The following SAMD11 variants were observed in gnomAD, a reference collection of about 807,000 sequenced individuals.
SAMD11 encodes the protein sterile alpha motif domain-containing protein 11.
SAMD11 carries 77 observed loss-of-function variants against 64.4 expected under a neutral mutation model. That is an observed-to-expected ratio of 1.20 (90% CI 0.99 to 1.44). The LOEUF is 1.44. Among genes scored for constraint, SAMD11 ranks in the 40% most tolerant of loss-of-function variants. SAMD11 has a pLI of 0.00. For missense variants in SAMD11, 1,402 were observed against 943.3 expected, an observed-to-expected ratio of 1.49 and a Z score of -6.37; for synonymous variants, 658 against 421.9, an observed-to-expected ratio of 1.56 and a Z score of -6.86.
chr1:943,359 CTG>C lies in SAMD11; in HGVS notation c.2163_2164del (p.Cys721TrpfsTer182). 3 of 1,578,676 alleles carry C rather than the reference CTG, an allele frequency of 1.9e-6. No homozygotes were observed. Among genetic ancestry groups the C allele is most frequent in the Non-Finnish European group, 2.6e-6 (3 of 1,160,748 alleles). On this transcript the variant is annotated frameshift_variant, in exon 12 of 14. Transcript: ENST00000616016. LOFTEE classifies it high-confidence loss of function. ...VCSFVGGLSGCGEYTRVFREQ... is the reference protein window; with the variant it reads ...VCSFVGGLSGXGEYTRVFREQ... ...GCAGCTTCGTGGGGGGCCTGTCTGG[CTG>C]TGGAGAGTACACTCGGGTAAGGGGG...
intron 7 of SAMD11, 187 bp from the exon 8 acceptor site, chr1:940,957 G>A: frequency 1.9e-6 from 1 of 532,866 alleles, no homozygotes; most frequent in Non-Finnish European, 3.3e-6. Flanking sequence ...TCCTCGCCCA[G>A]CATCTTGTCT....
intron 5 of SAMD11, among the ~76,000 whole-genome samples, chr1:937,017 C>T (rs935915378): frequency 6.6e-6 from 1 of 152,138 alleles, no homozygotes; most frequent in Admixed American, 6.5e-5. Context: ...GCAGCTCTCA[C>T]CCATGGAGTC....
At chr1:930,962 T>C (rs1641138924) in intron 3 of SAMD11, 77 bp from the exon 4 acceptor site, 10 of 1,435,178 alleles carry the variant, frequency 7.0e-6, no homozygotes, top group Non-Finnish European at 9.8e-6. Flanking sequence ...GAGACAGGTC[T>C]GCGCACGCCC....
Position 935,757 on chromosome 1 carries a change from G to A in SAMD11, c.843-15G>A, listed in dbSNP as rs1206454604. On this transcript the variant is annotated splice_polypyrimidine_tract_variant and intron_variant, in intron 4 of 13. Coordinates refer to ENST00000616016, the MANE Select transcript of SAMD11 (RefSeq NM_001385641.1). ...GCTGCCCACGGGGTCAGCTTTTCCC[G>A]GTCTCGTTCTGCAGCCAGGACGGCA... 1.2e-5 allele frequency: 19 copies of A among 1,612,900 alleles called. No homozygotes were observed. In the East Asian group the frequency reaches 3.6e-4, roughly 30 times the overall value.
Position 944,123 on chromosome 1 carries a change from G to T in SAMD11, c.2505G>T (p.Gly835=). ...ATGGGACCTTGGCTCTACTTCCAGG[G>T]GCCCCCGACCCTTCCCAGCCTCTGT... ...QENGTLALLP[G]APDPSQPLC is the part of the protein sequence containing the mutation. Residue 835 remains glycine, a synonymous_variant, in exon 14 of 14, where the codon GGG becomes GGT. Coordinates refer to ENST00000616016, the MANE Select transcript of SAMD11 (RefSeq NM_001385641.1). 6.3e-7 allele frequency: 1 copy of T among 1,597,392 alleles called. No individual in the cohort carries two copies.
intron 4 of SAMD11, among the ~76,000 whole-genome samples, chr1:935,025 TG>T (rs1253510709): frequency 6.6e-6 from 1 of 151,922 alleles, no homozygotes; most frequent in Non-Finnish European, 1.5e-5. Flanking sequence ...CTCTGCTGAC[TG>T]GGGAGAGGCT....
At position 942,713 on chromosome 1, in the gene SAMD11, C is replaced by T. The variant is rs1342711017; in HGVS notation, c.1708C>T (p.Leu570=). The T allele has an allele frequency of 1.4e-6, 2 of 1,454,550 alleles. No individual in the cohort carries two copies. The highest frequency in any genetic ancestry group is 2.8e-5 in the East Asian group (1 of 35,736). The allele number at this position is 1,454,550 out of a possible 1,614,324, so 90.1% of individuals were successfully genotyped here. A position where few individuals can be genotyped will look rare whatever the true frequency, so the allele number is the denominator to read the frequency against. Residue 570 remains leucine (L), a synonymous_variant, in exon 11 of 14, where the codon CTG becomes TTG. Transcript: ENST00000616016. Reference sequence around the variant, plus strand: ...GGTGCTGAACCACGGCGCGGCGCCACTGCTGGCCCTGCCCCCCCAGGGGCC... The same window carrying T: ...GGTGCTGAACCACGGCGCGGCGCCATTGCTGGCCCTGCCCCCCCAGGGGCC... ...LLVLNHGAAP[L]LALPPQGPPG... is the part of the protein sequence containing the mutation.
At chr1:931,502 T>G in intron 4 of SAMD11, among the ~76,000 whole-genome samples, 4 of 151,104 alleles carry the variant, frequency 2.6e-5, no homozygotes, top group Non-Finnish European at 5.9e-5. Flanking sequence ...CCCTGAAGGG[T>G]GTGTAGGAGC....
At chr1:943,526 CTTTTTTTTTT>C (rs56972694) in intron 12 of SAMD11, 149 bp downstream of exon 12, 88 of 550,608 alleles carry the variant, frequency 1.6e-4, no homozygotes, top group Non-Finnish European at 1.8e-4. Flanking sequence ...TGCACCCCAC[CTTTTTTTTTT>C]TTTTTTTTTT....
Position 943,376 on chromosome 1 carries a change from G to C in SAMD11, c.2177G>C (p.Arg726Pro), listed in dbSNP as rs777840080. 4.5e-6 allele frequency: 7 copies of C among 1,538,502 alleles called. No individual in the cohort carries two copies. Among genetic ancestry groups the C allele is most frequent in the South Asian group, 2.5e-5 (2 of 80,424 alleles). Residue 726 changes from arginine (R) to proline (P), a missense_variant and splice_region_variant, in exon 12 of 14, where the codon CGG becomes CCG. Arg to Pro is a moderately radical substitution (Grantham distance 103, BLOSUM62 -2). Coordinates refer to ENST00000616016, the MANE Select transcript of SAMD11 (RefSeq NM_001385641.1). The stretch of plus-strand genomic sequence containing the variant: ...CTGTCTGGCTGTGGAGAGTACACTC[G>C]GGTAAGGGGGGGCCCCAGTTCCTGG... ...GGLSGCGEYT[R>P]VFREQGIDGE...
At chr1:941,391 A>G in intron 8 of SAMD11, 85 bp downstream of exon 8, 1 of 1,310,834 alleles carries the variant, frequency 7.6e-7, no homozygotes, top group South Asian at 1.5e-5. Flanking sequence ...GCGCCCCGAG[A>G]GTGCCAAGCA....
chr1:944,423 T>C lies in SAMD11; in HGVS notation c.*270T>C. 2 of 1,092,124 alleles carry C rather than the reference T, an allele frequency of 1.8e-6. No individual in the cohort carries two copies. The highest frequency in any genetic ancestry group is 2.4e-6 in the Non-Finnish European group (2 of 819,412). 67.7% of individuals were successfully genotyped at this position (1,092,124 alleles called of 1,614,324 possible). ...GCAGGCCTCCCCCTGGAACTGGGACTGGTCTCGGTCTGCTGACGTCAGGGT... is the reference window on the plus strand; with the variant it reads ...GCAGGCCTCCCCCTGGAACTGGGACCGGTCTCGGTCTGCTGACGTCAGGGT... On this transcript the variant is annotated 3_prime_UTR_variant, in exon 14 of 14. Coordinates refer to ENST00000616016, the MANE Select transcript of SAMD11 (RefSeq NM_001385641.1).
chr1:940,785 C>T (rs549983736), intron 7 of SAMD11, among the ~76,000 whole-genome samples: 1 of 152,358 alleles, frequency 6.6e-6, no homozygotes, highest in Non-Finnish European at 1.5e-5. Context: ...GTCCCCTGGG[C>T]GGTCAGCCCC....
rs374552516 is a variant in SAMD11 at position 943,036 on chromosome 1, C to T, written c.2031C>T (p.Ala677=). The change falls in exon 11 of 14, where the codon GCC becomes GCT. Residue 677 remains alanine (A), a synonymous_variant. Coordinates refer to ENST00000616016, the MANE Select transcript of SAMD11 (RefSeq NM_001385641.1). The stretch of plus-strand genomic sequence containing the variant: ...CACTGCCCCTGGGCTTCCCTTATGC[C>T]GTCAGCCCCTACTTCCACACAGGTG... ...GSTLPLGFPY[A]VSPYFHTGAV... 8.0e-5 allele frequency: 123 copies of T among 1,531,504 alleles called. No homozygotes were observed. Among genetic ancestry groups the T allele is most frequent in the African/African-American group, 7.5e-4 (54 of 71,734 alleles). The allele number at this position is 1,531,504 out of a possible 1,614,324, so 94.9% of individuals were successfully genotyped here. A position where few individuals can be genotyped will look rare whatever the true frequency, so the allele number is the denominator to read the frequency against.
At chr1:926,903 G>A (rs764526296) in intron 2 of SAMD11, among the ~76,000 whole-genome samples, 1 of 152,160 alleles carries the variant, frequency 6.6e-6, no homozygotes, top group Non-Finnish European at 1.5e-5. Flanking sequence ...GGTGCAAAAT[G>A]GGCCTGAGGG....
At chr1:940,090 G>A (rs531184061) in intron 7 of SAMD11, among the ~76,000 whole-genome samples, 2 of 152,298 alleles carry the variant, frequency 1.3e-5, no homozygotes, top group East Asian at 3.9e-4. Context: ...TGGGGGCGCC[G>A]GGAAAGGAGG....
rs1331449991 is a variant in SAMD11, at chr1:943,019, C to T, written c.2014C>T (p.Leu672=). ...GCTTTTCCCAGGGTCCACACTGCCC[C>T]TGGGCTTCCCTTATGCCGTCAGCCC... ...KGLFPGSTLP[L]GFPYAVSPYF... The change falls in exon 11 of 14, where the codon CTG becomes TTG. Residue 672 remains leucine, a synonymous_variant. Coordinates refer to ENST00000616016, the MANE Select transcript of SAMD11 (RefSeq NM_001385641.1). The T allele has an allele frequency of 1.6e-5, 24 of 1,532,930 alleles. No homozygotes were observed. The highest frequency in any genetic ancestry group is 2.1e-5 in the Non-Finnish European group (24 of 1,143,148). The allele number at this position is 1,532,930 out of a possible 1,614,324, so 95.0% of individuals were successfully genotyped here.
rs148995812 is a variant in SAMD11, at chr1:939,291, G to T, written c.1074G>T (p.Pro358=). The change falls in exon 7 of 14, where the codon CCG becomes CCT. Residue 358 remains proline (P), a synonymous_variant. Transcript: ENST00000616016. ...CCCCAGCAGAGGCGCTGCTGCTGCC[G>T]CGGGAGCTGGGGCCCAGCATGGCCC... ...SESPQEALLL[P]RELGPSMAPE... is the part of the protein sequence containing the mutation. 4.2e-5 allele frequency: 68 copies of T among 1,607,062 alleles called. No individual in the cohort carries two copies. The East Asian group carries it at 1.4e-3, about 33-fold the overall frequency.
Position 943,940 on chromosome 1 carries a change from G to A in SAMD11, c.2322G>A (p.Val774=), listed in dbSNP as rs746722545. 1.2e-6 allele frequency: 2 copies of A among 1,612,662 alleles called. No individual in the cohort carries two copies. Among genetic ancestry groups the A allele is most frequent in the South Asian group, 1.1e-5 (1 of 91,074 alleles). ...VARRLGRVFY[V]ASFPVALPLQ... The stretch of plus-strand genomic sequence containing the variant: ...GGCGCCTGGGCCGAGTTTTCTACGT[G>A]GCCAGCTTCCCCGTGGCTCTGCCAC... The change falls in exon 14 of 14, where the codon GTG becomes GTA. Residue 774 remains valine, a synonymous_variant. Coordinates refer to ENST00000616016, the MANE Select transcript of SAMD11 (RefSeq NM_001385641.1).
Sources: gnomAD v4.1 joint callset for allele counts (sites outside exome capture counted in the v4.1 genomes callset) on GRCh38, gnomAD v4.1.1 for gene constraint, MANE v1.5 for transcripts, NCBI Gene and HGNC (gene_info 2026-07-23, HGNC 2026-07-21) for gene names.